REV3L: variants seen among roughly 807,000 people sequenced by gnomAD.
REV3L encodes REV3 like, DNA directed polymerase zeta catalytic subunit.
Under a neutral mutation model 299.4 loss-of-function variants are expected in REV3L, and 69 were observed. The ratio of observed to expected loss-of-function variants is 0.23; its 90% CI spans 0.19 to 0.28. REV3L has a LOEUF of 0.28. REV3L is among the 10% of genes least tolerant of loss of function. REV3L has a pLI of 1.00. For synonymous variants in REV3L, 1,238 were observed against 1,271.4 expected (o/e 0.97, Z 0.56); for missense variants, 3,128 against 3,693.8 (o/e 0.85, Z 3.97).
intron 7 of REV3L, among the ~76,000 whole-genome samples, chr6:111,388,781 T>A (rs1435503738): frequency 6.6e-6 from 1 of 152,146 alleles, no homozygotes; most frequent in Non-Finnish European, 1.5e-5. Flanking sequence ...TGATCTTCTG[T>A]GAGTTTTCTA....
intron 1 of REV3L, among the ~76,000 whole-genome samples, chr6:111,450,478 CAAAAAAAAAAAAAA>C (rs869119350): frequency 3.3e-4 from 18 of 54,110 alleles, no homozygotes; most frequent in Admixed American, 2.1e-3. Context: ...GACCCTGTCT[CAAAAAAAAAAAAAA>C]AAAAAAAAAA....
intron 1 of REV3L, among the ~76,000 whole-genome samples, chr6:111,454,219 A>G (rs1270307831): frequency 2.6e-5 from 4 of 151,944 alleles, no homozygotes; most frequent in Non-Finnish European, 1.5e-5. Flanking sequence ...AGGGGATTAC[A>G]GGCTTGAGCT....
At chr6:111,313,271 A>T (rs1338964365) in intron 28 of REV3L, 81 bp downstream of exon 28, 1 of 1,281,156 alleles carries the variant, frequency 7.8e-7, no homozygotes, top group Admixed American at 2.4e-5. Context: ...ACCTAGATGC[A>T]TGTTTAAGGG....
chr6:111,310,627 A>C (rs1772869959), intron 29 of REV3L: 1 of 155,920 alleles, frequency 6.4e-6, no homozygotes. Context: ...TCTGGGCGAC[A>C]GAGTGAGACC....
intron 23 of REV3L, among the ~76,000 whole-genome samples, chr6:111,332,362 C>T (rs909371411): frequency 6.6e-6 from 1 of 152,106 alleles, no homozygotes; most frequent in African/African-American, 2.4e-5. Context: ...TGAGCCACCA[C>T]GTCCAGCCCA....
intron 1 of REV3L, among the ~76,000 whole-genome samples, chr6:111,438,484 A>C (rs1787856291): frequency 6.6e-6 from 1 of 151,144 alleles, no homozygotes; most frequent in South Asian, 2.1e-4. Flanking sequence ...CTGGCTTTAA[A>C]CCCTGAATCA....
At chr6:111,352,206 C>A (rs1215525407) in intron 18 of REV3L, among the ~76,000 whole-genome samples, 1 of 152,034 alleles carries the variant, frequency 6.6e-6, no homozygotes, top group African/African-American at 2.4e-5. Flanking sequence ...TGAGGTTTCA[C>A]CATGTTGGTC....
chr6:111,380,172 C>T lies in REV3L; in HGVS notation c.1264G>A (p.Glu422Lys). Reference protein sequence around the residue: ...EALVHLLAGLESDGYRGERNR... With the variant: ...EALVHLLAGLKSDGYRGERNR... ...CTTTCCCCCCGATATCCATCACTTT[C>T]CAAACCAGCAAGAAGATGTACCAGA... Residue 422 changes from glutamate to lysine, a missense_variant, in exon 11 of 32, where the codon GAA becomes AAA. Transcript: ENST00000368802. 1 of 1,614,106 alleles carries T rather than the reference C, an allele frequency of 6.2e-7. No homozygotes were observed. The highest frequency in any genetic ancestry group is 1.1e-5 in the South Asian group (1 of 91,084).
chr6:111,406,461 G>C (rs559315651), intron 3 of REV3L, among the ~76,000 whole-genome samples: 1 of 152,304 alleles, frequency 6.6e-6, no homozygotes, highest in South Asian at 2.1e-4. Flanking sequence ...CACCAGACTA[G>C]CTATAGAACA....
chr6:111,316,451 G>A (rs1372529825), intron 26 of REV3L, among the ~76,000 whole-genome samples: 1 of 151,870 alleles, frequency 6.6e-6, no homozygotes, highest in African/African-American at 2.4e-5. Context: ...ATCACCTGAG[G>A]TCAGGATTTT....
intron 31 of REV3L, among the ~76,000 whole-genome samples, chr6:111,303,165 C>CTTTTTTTTTTTTTTT (rs1189398273): frequency 1.3e-4 from 12 of 92,338 alleles, no homozygotes; most frequent in African/African-American, 4.7e-4. Context: ...TCTTTTCTTT[C>CTTTTTTTTTTTTTTT]TTTTTTTTTT....
rs577831612 is a variant in REV3L, at chr6:111,299,640, C to T, written c.*376G>A. On this transcript the variant is annotated 3_prime_UTR_variant, in exon 32 of 32. Transcript: ENST00000368802. ...GAATGGATATCTCGAAGTAACACGTCTTGATACAGACAGTTCAAGGAAAAC... is the reference window on the plus strand; with the variant it reads ...GAATGGATATCTCGAAGTAACACGTTTTGATACAGACAGTTCAAGGAAAAC... 6.4e-6 allele frequency: 1 copy of T among 156,764 alleles called. No individual in the cohort carries two copies. Among genetic ancestry groups the T allele is most frequent in the African/African-American group, 2.4e-5 (1 of 41,754 alleles). 9.7% of individuals were successfully genotyped at this position (156,764 alleles called of 1,614,324 possible).
chr6:111,458,553 C>T (rs1421912493), intron 1 of REV3L, among the ~76,000 whole-genome samples: 1 of 152,080 alleles, frequency 6.6e-6, no homozygotes, highest in East Asian at 1.9e-4. Context: ...CACCAAAAGG[C>T]TCCTTGAACT....
In REV3L at chr6:111,357,023, A is replaced by G. The variant is rs749401818; in HGVS notation, c.7175T>C (p.Ile2392Thr). The change falls in exon 18 of 32, where the codon ATA becomes ACA. Residue 2392 changes from isoleucine to threonine, a missense_variant. By Grantham distance (89) the Ile-to-Thr change is moderately conservative (BLOSUM62 -1). Around this residue, in one of 9 missense-constraint regions of REV3L, gnomAD observed 82 missense variants for 142.7 expected, o/e 0.57. Transcript: ENST00000368802. The part of the protein sequence containing the change: ...EKALFHEIAN[I>T]IKRYDPDILL... ...ATATACAAAACAATACCTCTTTATT[A>G]TATTTGCAATTTCATGAAAAAGTGC... 2.5e-6 allele frequency: 4 copies of G among 1,579,698 alleles called. No individual in the cohort carries two copies. Among genetic ancestry groups the G allele is most frequent in the Non-Finnish European group, 3.5e-6 (4 of 1,156,348 alleles).
upstream of REV3L, chr6:111,483,563 T>G (rs769434655): frequency 2.1e-6 from 1 of 480,358 alleles, no homozygotes; most frequent in Non-Finnish European, 4.1e-6. Flanking sequence ...TTGGCGGCTA[T>G]GCAGGATTGG....
intron 14 of REV3L, 82 bp downstream of exon 14, chr6:111,367,033 G>T: frequency 8.3e-7 from 1 of 1,200,524 alleles, no homozygotes; most frequent in Non-Finnish European, 1.1e-6. Flanking sequence ...AAAAAGCTCT[G>T]ATTTTCATTA....
intron 23 of REV3L, 88 bp downstream of exon 23, chr6:111,333,035 C>T: frequency 6.7e-7 from 1 of 1,484,896 alleles, no homozygotes; most frequent in Non-Finnish European, 9.1e-7. Context: ...GGAAGGTGTC[C>T]AGAGCAAAGA....
At chr6:111,411,590 A>C in intron 2 of REV3L, 36 bp from the exon 3 acceptor site, 1 of 1,326,576 alleles carries the variant, frequency 7.5e-7, no homozygotes. Context: ...AATTATTTTC[A>C]TAATTCAGAG....
At chr6:111,411,225 G>A (rs191376399) in intron 3 of REV3L, among the ~76,000 whole-genome samples, 22 of 152,266 alleles carry the variant, frequency 1.4e-4, no homozygotes, top group African/African-American at 4.6e-4. Context: ...ACACAAGGCA[G>A]CCGTAATCTC....
Sources: gnomAD v4.1 joint callset for allele counts (sites outside exome capture counted in the v4.1 genomes callset) on GRCh38, gnomAD v4.1.1 for gene constraint, gnomAD v4.1.1 regional missense constraint, MANE v1.5 for transcripts, NCBI Gene and HGNC (gene_info 2026-07-23, HGNC 2026-07-21) for gene names.